Variants in AGAP1 observed in about 807,000 individuals in gnomAD.
AGAP1 encodes arf-GAP with GTPase, ANK repeat and PH domain-containing protein 1.
Under a neutral mutation model 105.3 loss-of-function variants are expected in AGAP1, and 29 were observed. That is an observed-to-expected ratio of 0.28 (90% CI 0.21 to 0.38). AGAP1 has a LOEUF of 0.38. AGAP1 is among the 10% of genes least tolerant of loss of function. AGAP1 has a pLI of 1.00. For missense variants in AGAP1, 998 were observed against 1,165.1 expected (o/e 0.86, Z 2.09); for synonymous variants, 509 against 485.9 (o/e 1.05, Z -0.63).
rs1946070647 is a variant in AGAP1, at chr2:235,609,879, T to G, written c.164-99300T>G. The stretch of plus-strand genomic sequence containing the variant: ...GTGTTTCAGAGGTTGGTAAATGGAG[T>G]CTTGCTCGCCAGGTGCATGAGGTGA... On this transcript the variant is annotated intron_variant, in intron 1 of 17. Transcript: ENST00000304032. The surrounding 1 kb of genome is among the most constrained non-coding windows in gnomAD (Gnocchi z 5.1). 6.6e-6 allele frequency among the ~76,000 whole-genome samples: 1 copy of G among 151,790 alleles called. No individual in the cohort carries two copies. The highest frequency in any genetic ancestry group is 1.5e-5 in the Non-Finnish European group (1 of 67,962).
At position 236,053,458 on chromosome 2, in the gene AGAP1, C is replaced by T. The variant is rs897323219; in HGVS notation, c.2114+4177C>T. Among the ~76,000 whole-genome samples the T allele has an allele frequency of 2.6e-5, 4 of 152,216 alleles. No individual in the cohort carries two copies. The highest frequency in any genetic ancestry group is 5.9e-5 in the Non-Finnish European group (4 of 68,046). ...CTCCCTCGCGGTACAGCAGTGTTTCCGGGGCTGCACGGCAGCGCCCTGGCC... is the reference window on the plus strand; with the variant it reads ...CTCCCTCGCGGTACAGCAGTGTTTCTGGGGCTGCACGGCAGCGCCCTGGCC... On this transcript the variant is annotated intron_variant, in intron 16 of 17. Transcript: ENST00000304032. The surrounding 1 kb of genome is among the most constrained non-coding windows in gnomAD (Gnocchi z 4.6).
intron 8 of AGAP1, among the ~76,000 whole-genome samples, chr2:235,804,496 A>C (rs1957740198): frequency 6.6e-6 from 1 of 152,078 alleles, no homozygotes; most frequent in African/African-American, 2.4e-5. Context: ...TACCTCCCCT[A>C]GTGTGTTCCA....
chr2:235,887,875 G>C lies in AGAP1; in HGVS notation c.1155+4426G>C, dbSNP rs188711983. ...TACTTCTATTATGGGGTGCTGACTTGAGAGCGCCAGGCTTGCAGTTGTATT... is the reference window on the plus strand; with the variant it reads ...TACTTCTATTATGGGGTGCTGACTTCAGAGCGCCAGGCTTGCAGTTGTATT... On this transcript the variant is annotated intron_variant, in intron 10 of 17. Coordinates refer to ENST00000304032, the MANE Select transcript of AGAP1 (RefSeq NM_001037131.3). The surrounding 1 kb of genome is among the most constrained non-coding windows in gnomAD (Gnocchi z 4.1). Among the ~76,000 whole-genome samples the C allele has an allele frequency of 1.6e-4, 24 of 152,298 alleles. No individual in the cohort carries two copies. In the East Asian group the frequency reaches 2.9e-3, roughly 18 times the overall value.
At chr2:236,019,665 C>T (rs573010081) in intron 13 of AGAP1, among the ~76,000 whole-genome samples, 9 of 152,274 alleles carry the variant, frequency 5.9e-5, no homozygotes, top group East Asian at 5.8e-4. Flanking sequence ...GAGCCTGCAG[C>T]GCCCTTAGGC....
At chr2:235,638,485 G>A (rs1355289431) in intron 1 of AGAP1, among the ~76,000 whole-genome samples, 2 of 152,188 alleles carry the variant, frequency 1.3e-5, no homozygotes, top group Non-Finnish European at 2.9e-5. Flanking sequence ...CATCACAATG[G>A]CGATGGAAAA....
At position 235,882,397 on chromosome 2, in the gene AGAP1, CTT is replaced by C. The variant is rs1273196247; in HGVS notation, c.1051-946_1051-945del. The C allele has an allele frequency of 3.8e-6, 6 of 1,576,248 alleles. No homozygotes were observed. Among genetic ancestry groups the C allele is most frequent in the Non-Finnish European group, 5.2e-6 (6 of 1,151,214 alleles). ...TCACTCCGCTTCTGCCCAGTGGTCT[CTT>C]TGGTCGGCAGGGTGTTCTTCTCCTG... is the stretch of plus-strand genomic sequence containing the variant. On this transcript the variant is annotated intron_variant, in intron 9 of 17. Transcript: ENST00000304032. This position sits in a 1 kb window ranked among gnomAD's most constrained non-coding sequence, Gnocchi z 4.6.
intron 13 of AGAP1, among the ~76,000 whole-genome samples, chr2:235,986,936 T>C (rs994890629): frequency 2.6e-5 from 4 of 152,152 alleles, no homozygotes; most frequent in African/African-American, 9.7e-5. Flanking sequence ...AAGTTTTCTT[T>C]TTTTGTTGTG....
chr2:235,810,492 G>A (rs887692858), intron 9 of AGAP1, among the ~76,000 whole-genome samples: 3 of 152,160 alleles, frequency 2.0e-5, no homozygotes, highest in Non-Finnish European at 2.9e-5. Context: ...GTAATGGATG[G>A]TTTAGGATCC....
Position 236,001,485 on chromosome 2 carries a change from G to C in AGAP1, c.1645+32862G>C, listed in dbSNP as rs1247244883. 3.9e-5 allele frequency among the ~76,000 whole-genome samples: 6 copies of C among 152,128 alleles called. No individual in the cohort carries two copies. Among genetic ancestry groups the C allele is most frequent in the African/African-American group, 1.4e-4 (6 of 41,420 alleles). ...TGGCGGCTGGGCAGAGTGGGCTGCA[G>C]GGGCTGAAGTAGGCAGTGGTGACAG... On this transcript the variant is annotated intron_variant, in intron 13 of 17. Transcript: ENST00000304032. This position sits in a 1 kb window ranked among gnomAD's most constrained non-coding sequence, Gnocchi z 4.7.
intron 1 of AGAP1, among the ~76,000 whole-genome samples, chr2:235,678,261 C>G (rs1948865734): frequency 6.6e-6 from 1 of 152,174 alleles, no homozygotes; most frequent in Non-Finnish European, 1.5e-5. Context: ...CTCTCCTGAT[C>G]TGGTTCATGA....
chr2:235,600,107 C>T lies in AGAP1; in HGVS notation c.163+105258C>T, dbSNP rs948390911. On this transcript the variant is annotated intron_variant, in intron 1 of 17. Transcript: ENST00000304032. The surrounding 1 kb of genome is among the most constrained non-coding windows in gnomAD (Gnocchi z 4.8). ...TCCATCCCAGCCTTTCTTCCTCTCT[C>T]GTAACTGTTATTTACTCAGTAATTA... Among the ~76,000 whole-genome samples, 8 of 152,152 alleles carry T rather than the reference C, an allele frequency of 5.3e-5. No homozygotes were observed. The highest frequency in any genetic ancestry group is 2.1e-4 in the South Asian group (1 of 4,818).
chr2:235,698,429 A>G (rs1950100145), intron 1 of AGAP1, among the ~76,000 whole-genome samples: 1 of 152,108 alleles, frequency 6.6e-6, no homozygotes, highest in Non-Finnish European at 1.5e-5. Flanking sequence ...CTACTCTTAC[A>G]TCTCATGAAA....
rs559332606 is a variant in AGAP1, at chr2:236,000,944, A to G, written c.1645+32321A>G. Among the ~76,000 whole-genome samples, 77 of 152,292 alleles carry G rather than the reference A, an allele frequency of 5.1e-4. No homozygotes were observed. In the South Asian group the frequency reaches 0.015, roughly 30 times the overall value. ...CGTGGCGTGAGGAGGGTGAGAGTCCATGCCATAAAGGACTGTCATCCATCT... is the reference window on the plus strand; with the variant it reads ...CGTGGCGTGAGGAGGGTGAGAGTCCGTGCCATAAAGGACTGTCATCCATCT... On this transcript the variant is annotated intron_variant, in intron 13 of 17. Transcript: ENST00000304032. This position sits in a 1 kb window ranked among gnomAD's most constrained non-coding sequence, Gnocchi z 4.3.
rs1329391049 is a variant in AGAP1, at chr2:235,517,260, C to T, written c.163+22411C>T. On this transcript the variant is annotated intron_variant, in intron 1 of 17. Transcript: ENST00000304032. The surrounding 1 kb of genome is among the most constrained non-coding windows in gnomAD (Gnocchi z 4.1). The stretch of plus-strand genomic sequence containing the variant: ...TAAGCTGCCATATTACCATGATTGC[C>T]TCCTTAAAGACCTTATCTCCAGCGA... Among the ~76,000 whole-genome samples the T allele has an allele frequency of 6.6e-6, 1 of 152,180 alleles. No homozygotes were observed. Among genetic ancestry groups the T allele is most frequent in the Non-Finnish European group, 1.5e-5 (1 of 68,044 alleles).
intron 16 of AGAP1, 86 bp downstream of exon 16, chr2:236,049,367 G>A: frequency 1.6e-6 from 2 of 1,246,142 alleles, no homozygotes; most frequent in Non-Finnish European, 2.3e-6. Context: ...GCCACGGTTG[G>A]GAAGGCCCTG....
At chr2:235,735,220 C>G (rs118102064) in intron 3 of AGAP1, among the ~76,000 whole-genome samples, 150 of 152,314 alleles carry the variant, frequency 9.8e-4, no homozygotes, top group Non-Finnish European at 1.7e-3. Flanking sequence ...GTTAATGATA[C>G]GTTGATAGCT....
At chr2:235,548,955 A>G (rs1388596447) in intron 1 of AGAP1, among the ~76,000 whole-genome samples, 2 of 152,188 alleles carry the variant, frequency 1.3e-5, no homozygotes, top group Non-Finnish European at 2.9e-5. Flanking sequence ...GTCCTTACAG[A>G]AAAAGCATCT....
intron 1 of AGAP1, among the ~76,000 whole-genome samples, chr2:235,704,978 T>TTTC (rs1950461795): frequency 7.7e-6 from 1 of 129,332 alleles, no homozygotes; most frequent in East Asian, 2.3e-4. Context: ...TCTTTTTTTT[T>TTTC]TTTTTTTTTT....
intron 9 of AGAP1, among the ~76,000 whole-genome samples, chr2:235,880,085 T>C (rs1377927028): frequency 8.4e-5 from 5 of 59,296 alleles, no homozygotes; most frequent in Admixed American, 2.4e-4. Flanking sequence ...ACTCTGGCCT[T>C]TTTTTTTTTT....
Sources: allele counts gnomAD v4.1 joint callset (sites outside exome capture counted in the v4.1 genomes callset), GRCh38; gene constraint gnomAD v4.1.1; non-coding constraint Gnocchi (gnomAD v3.1); transcripts MANE v1.5; gene names NCBI Gene and HGNC (gene_info 2026-07-23, HGNC 2026-07-21).